The following DLC1 variants were observed in gnomAD, a reference collection of about 807,000 sequenced individuals.
DLC1 encodes rho GTPase-activating protein 7.
DLC1 carries 54 observed loss-of-function variants against 140.3 expected under a neutral mutation model. The ratio of observed to expected loss-of-function variants is 0.38; its 90% confidence interval spans 0.31 to 0.48. The LOEUF (loss-of-function observed/expected upper bound fraction) is 0.48, where lower values mean the gene tolerates loss of function less well. Ranked by LOEUF, DLC1 falls within the 20% of genes least tolerant of loss-of-function variation. DLC1 has a pLI of 0.96. For missense variants in DLC1, 2,536 were observed against 1,907.0 expected, an observed-to-expected ratio of 1.33 and a Z score of -6.14; for synonymous variants, 986 against 728.1, an observed-to-expected ratio of 1.35 and a Z score of -5.70.
In DLC1 at chr8:13,293,068, A is replaced by C. The variant is rs77804296; in HGVS notation, c.1348+12201T>G. On this transcript the variant is annotated intron_variant, in intron 5 of 17. Coordinates refer to ENST00000276297, the MANE Select transcript of DLC1 (RefSeq NM_182643.3). ...TGAGATCCTGCCTCTATGTTAAAAA[A>C]CATTTTTAAAAATTAGTTGGTCATG... 7.0e-3 allele frequency among the ~76,000 whole-genome samples: 1,066 copies of C among 152,174 alleles called. 9 individuals carry two copies. Among genetic ancestry groups the C allele is most frequent in the Non-Finnish European group, 0.012 (847 of 68,000 alleles).
chr8:13,481,938 T>G (rs993124449), intron 2 of DLC1, among the ~76,000 whole-genome samples: 3 of 152,062 alleles, frequency 2.0e-5, no homozygotes, highest in South Asian at 4.1e-4. Context: ...ATAATATACC[T>G]ACAAGTCTTC....
chr8:13,595,703 G>T (rs1014152615), intron 1 of DLC1, among the ~76,000 whole-genome samples: 1 of 151,936 alleles, frequency 6.6e-6, no homozygotes, highest in South Asian at 2.1e-4. Context: ...AATAGACAAA[G>T]ATTACTAATT....
At chr8:13,143,604 C>A (rs1315890648) in intron 5 of DLC1, among the ~76,000 whole-genome samples, 1 of 146,176 alleles carries the variant, frequency 6.8e-6, no homozygotes, top group Non-Finnish European at 1.5e-5. Flanking sequence ...TACAGGTGTG[C>A]ACCATCACCC....
intron 2 of DLC1, among the ~76,000 whole-genome samples, chr8:13,405,835 T>A (rs1228151507): frequency 3.5e-5 from 5 of 142,240 alleles, no homozygotes; most frequent in Non-Finnish European, 6.2e-5. Context: ...CTTCCTTCCC[T>A]CCCTCCCTCC....
intron 4 of DLC1, chr8:13,340,337 A>C (rs1449993115): frequency 6.6e-6 from 1 of 152,220 alleles, no homozygotes; most frequent in Non-Finnish European, 1.5e-5. Flanking sequence ...AGTTGCTGGG[A>C]TTACAGGTGC....
chr8:13,462,657 C>T (rs907596733), intron 2 of DLC1, among the ~76,000 whole-genome samples: 8 of 152,136 alleles, frequency 5.3e-5, no homozygotes, highest in African/African-American at 1.7e-4. Context: ...CTGCCTGCCT[C>T]GGTCTCCCAA....
intron 5 of DLC1, chr8:13,133,276 AG>A: frequency 7.6e-7 from 1 of 1,318,952 alleles, no homozygotes; most frequent in East Asian, 3.5e-5. Flanking sequence ...TCGCTCGGGC[AG>A]TCGGAGCGAA....
chr8:13,137,394 C>G (rs1822651021), intron 5 of DLC1, among the ~76,000 whole-genome samples: 1 of 152,104 alleles, frequency 6.6e-6, no homozygotes, highest in Non-Finnish European at 1.5e-5. Flanking sequence ...TTCAATGTAG[C>G]CTGTTTCAGT....
chr8:13,519,189 G>T (rs571401076), upstream of DLC1, among the ~76,000 whole-genome samples: 39 of 145,710 alleles, frequency 2.7e-4, no homozygotes, highest in African/African-American at 1.0e-3. Flanking sequence ...GTGCAGTGGC[G>T]CAATCTCGGC....
intron 4 of DLC1, among the ~76,000 whole-genome samples, chr8:13,332,511 A>G (rs904958023): frequency 5.3e-5 from 8 of 150,558 alleles, no homozygotes; most frequent in Admixed American, 2.0e-4. Flanking sequence ...GCTCATTGCA[A>G]CCTCCACCTC....
At chr8:13,350,254 C>G (rs1313238434) in intron 4 of DLC1, among the ~76,000 whole-genome samples, 8 of 152,130 alleles carry the variant, frequency 5.3e-5, no homozygotes, top group Non-Finnish European at 1.2e-4. Flanking sequence ...TTATAACTCC[C>G]TTATCTCGAT....
chr8:13,248,318 C>A (rs527258778), intron 5 of DLC1, among the ~76,000 whole-genome samples: 1 of 152,242 alleles, frequency 6.6e-6, no homozygotes, highest in Admixed American at 6.5e-5. Context: ...TCCCCCTTAG[C>A]AAACCTCTTT....
intron 4 of DLC1, chr8:13,353,548 C>G (rs1462343238): frequency 6.6e-6 from 1 of 152,196 alleles, no homozygotes; most frequent in Non-Finnish European, 1.5e-5. Context: ...AAAGACTTCA[C>G]TGTTTGTGTT....
intron 4 of DLC1, among the ~76,000 whole-genome samples, chr8:13,355,566 T>A (rs996267627): frequency 5.3e-5 from 8 of 152,164 alleles, no homozygotes; most frequent in African/African-American, 1.4e-4. Flanking sequence ...AAGAATCCTA[T>A]CAGATCAGGA....
intron 5 of DLC1, among the ~76,000 whole-genome samples, chr8:13,219,542 AT>A (rs1828440247): frequency 6.6e-6 from 1 of 150,958 alleles, no homozygotes; most frequent in Non-Finnish European, 1.5e-5. Flanking sequence ...ATACATTTAT[AT>A]TTATACATCT....
chr8:13,092,963 T>A, intron 12 of DLC1, 138 bp from the exon 13 acceptor site: 3 of 929,678 alleles, frequency 3.2e-6, no homozygotes, highest in Non-Finnish European at 4.8e-6. Context: ...CACTAGAGGT[T>A]AATACGGTAA....
At chr8:13,130,758 T>C (rs938547826) in intron 5 of DLC1, among the ~76,000 whole-genome samples, 2 of 152,206 alleles carry the variant, frequency 1.3e-5, no homozygotes, top group African/African-American at 4.8e-5. Flanking sequence ...AAGATTTAAG[T>C]TGGAAACTAT....
At position 13,090,280 on chromosome 8, in the gene DLC1, G is replaced by C. The variant is rs139251311; in HGVS notation, c.4046C>G (p.Ser1349Trp). Residue 1349 changes from serine to tryptophan, a missense_variant, in exon 15 of 18, where the codon TCG becomes TGG. By Grantham distance (177) the Ser-to-Trp change is radical. Transcript: ENST00000276297. ...CTTATAGGACAGCTCAGCCTGCTCC[G>C]AAGTGGAGTAGCTGACCCAGCCTTT... The part of the protein sequence containing the change: ...KFKGWVSYST[S>W]EQAELSYKKV... 3.5e-5 allele frequency: 56 copies of C among 1,614,038 alleles called. No homozygotes were observed. In the South Asian group the frequency reaches 4.3e-4, roughly 12 times the overall value.
intron 2 of DLC1, among the ~76,000 whole-genome samples, chr8:13,451,931 T>C (rs766775851): frequency 3.3e-5 from 5 of 152,192 alleles, no homozygotes; most frequent in African/African-American, 9.6e-5. Context: ...TTTTAGTTTT[T>C]TGAGGAACTT....
Sources: allele counts gnomAD v4.1 joint callset (sites outside exome capture counted in the v4.1 genomes callset), GRCh38; gene constraint gnomAD v4.1.1; transcripts MANE v1.5; gene names NCBI Gene and HGNC (gene_info 2026-07-23, HGNC 2026-07-21).